Variants in IPO8 observed in about 807,000 individuals in gnomAD.
IPO8 encodes the protein importin-8.
IPO8 carries 65 observed loss-of-function variants against 141.2 expected under a neutral mutation model. The observed-to-expected ratio is 0.46, with a 90% confidence interval of 0.38 to 0.57. IPO8 has a LOEUF of 0.57. Among genes scored for constraint, IPO8 ranks in the 20% least tolerant of loss-of-function variants. IPO8 has a pLI of 0.00. For missense variants in IPO8, 980 were observed against 1,246.8 expected (o/e 0.79, Z 3.22); for synonymous variants, 411 against 420.3 (o/e 0.98, Z 0.27).
intron 20 of IPO8, among the ~76,000 whole-genome samples, chr12:30,642,537 T>A (rs2052588556): frequency 6.6e-6 from 1 of 151,950 alleles, no homozygotes; most frequent in African/African-American, 2.4e-5. Context: ...ACCAATCCAA[T>A]ATCAATGAAT....
At position 30,631,959 on chromosome 12, in the gene IPO8, G is replaced by C. The variant is rs746079753; in HGVS notation, c.2952C>G (p.Ser984Arg). The C allele has an allele frequency of 1.9e-6, 3 of 1,612,916 alleles. No individual in the cohort carries two copies. Among genetic ancestry groups the C allele is most frequent in the Non-Finnish European group, 2.5e-6 (3 of 1,179,910 alleles). Reference sequence around the variant, plus strand: ...CCTGCAGTGCTGTCCTCTGATCCTCGCTGAGTGGTGCCATCAGCAGCTGGT... The same window carrying C: ...CCTGCAGTGCTGTCCTCTGATCCTCCCTGAGTGGTGCCATCAGCAGCTGGT... Reference protein sequence around the residue: ...AWYQLLMAPLSEDQRTALQEV... With the variant: ...AWYQLLMAPLREDQRTALQEV... Residue 984 changes from serine (S) to arginine (R), a missense_variant, in exon 24 of 25, where the codon AGC becomes AGG. Physicochemically the swap from Ser to Arg is moderately radical, Grantham distance 110. Coordinates refer to ENST00000256079, the MANE Select transcript of IPO8 (RefSeq NM_006390.4).
At chr12:30,674,590 A>C (rs2053093492) in intron 7 of IPO8, 69 bp downstream of exon 7, 1 of 1,159,292 alleles carries the variant, frequency 8.6e-7, no homozygotes, top group Non-Finnish European at 1.3e-6. Context: ...GTGGCTCTAA[A>C]GACAGATAAT....
chr12:30,675,046 G>C (rs566944458), intron 6 of IPO8, among the ~76,000 whole-genome samples: 8 of 151,766 alleles, frequency 5.3e-5, no homozygotes, highest in Non-Finnish European at 1.2e-4. Flanking sequence ...ATGATGAAAG[G>C]GTTCTACATT....
At chr12:30,682,706 TA>T (rs1190638534) in intron 3 of IPO8, among the ~76,000 whole-genome samples, 3 of 152,054 alleles carry the variant, frequency 2.0e-5, no homozygotes, top group Non-Finnish European at 4.4e-5. Flanking sequence ...TTGGCAAAAT[TA>T]GGATTCCACA....
chr12:30,662,272 ATTTAGATT>A, intron 15 of IPO8, 47 bp downstream of exon 15: 1 of 1,430,122 alleles, frequency 7.0e-7, no homozygotes, highest in Non-Finnish European at 9.7e-7. Context: ...TTTGGAGTTT[ATTTAGATT>A]ACTCAAGGTT....
At chr12:30,656,367 T>G (rs942203278) in intron 17 of IPO8, among the ~76,000 whole-genome samples, 1 of 152,160 alleles carries the variant, frequency 6.6e-6, no homozygotes, top group African/African-American at 2.4e-5. Flanking sequence ...AAAAAATGCC[T>G]ATTAAACATT....
chr12:30,658,257 C>T (rs570850803), intron 16 of IPO8, among the ~76,000 whole-genome samples: 42 of 152,294 alleles, frequency 2.8e-4, no homozygotes, highest in African/African-American at 9.4e-4. Flanking sequence ...GTTTCATACA[C>T]TATTTGTCAG....
intron 10 of IPO8, 30 bp downstream of exon 10, chr12:30,669,153 A>G (rs1692167847): frequency 5.3e-6 from 5 of 935,866 alleles, no homozygotes; most frequent in African/African-American, 4.9e-5. Flanking sequence ...ATATCCAGGA[A>G]CTGATGAGAA....
chr12:30,637,487 A>C (rs1487000566), intron 21 of IPO8, among the ~76,000 whole-genome samples: 1 of 152,202 alleles, frequency 6.6e-6, no homozygotes, highest in Non-Finnish European at 1.5e-5. Flanking sequence ...TTAATAAAGC[A>C]GAAATACCTA....
Position 30,630,757 on chromosome 12 carries a change from G to A in IPO8, c.*103C>T. The A allele has an allele frequency of 1.2e-6, 1 of 835,142 alleles. No homozygotes were observed. Among genetic ancestry groups the A allele is most frequent in the Non-Finnish European group, 2.0e-6 (1 of 510,768 alleles). The allele number at this position is 835,142 out of a possible 1,614,324, so 51.7% of individuals were successfully genotyped here. On this transcript the variant is annotated 3_prime_UTR_variant, in exon 25 of 25. Transcript: ENST00000256079. ...ATGCCAGATGGTAACTGGCACAGCA[G>A]GAGGGCCCTAAAAGCAGCCCCTCAT...
At chr12:30,671,449 G>C (rs984296781) in intron 8 of IPO8, among the ~76,000 whole-genome samples, 2 of 151,916 alleles carry the variant, frequency 1.3e-5, no homozygotes, top group Non-Finnish European at 2.9e-5. Context: ...CGAGGCGGGC[G>C]GATCACGAGG....
chr12:30,649,095 A>C, intron 20 of IPO8, 42 bp downstream of exon 20: 1 of 1,308,874 alleles, frequency 7.6e-7, no homozygotes, highest in Non-Finnish European at 1.1e-6. Context: ...TGTAAACTTC[A>C]AATGTAACCC....
At chr12:30,659,627 G>A (rs911029875) in intron 16 of IPO8, among the ~76,000 whole-genome samples, 4 of 151,806 alleles carry the variant, frequency 2.6e-5, no homozygotes, top group Non-Finnish European at 5.9e-5. Flanking sequence ...CGAGGTGGGC[G>A]GATCACGAGG....
At position 30,695,642 on chromosome 12, in the gene IPO8, G is replaced by C; in HGVS notation, c.6C>G (p.Asp2Glu). M[D>E]LNRIIQALKG... is the part of the protein sequence containing the mutation. ...TCAGCGCCTGGATGATCCGGTTGAG[G>C]TCCATCTCCCCGGGTGGGGGCTCCG... is the stretch of plus-strand genomic sequence containing the variant. Residue 2 changes from aspartate to glutamate, a missense_variant, in exon 1 of 25, where the codon GAC (aspartate) becomes GAG (glutamate). Asp to Glu is a conservative substitution (Grantham distance 45). Coordinates refer to ENST00000256079, the MANE Select transcript of IPO8 (RefSeq NM_006390.4). This position sits in a 1 kb window ranked among gnomAD's most constrained non-coding sequence, Gnocchi z 4.2. 6.2e-7 allele frequency: 1 copy of C among 1,613,842 alleles called. No homozygotes were observed. Among genetic ancestry groups the C allele is most frequent in the South Asian group, 1.1e-5 (1 of 91,072 alleles).
Position 30,634,223 on chromosome 12 carries a change from C to T in IPO8, c.2759G>A (p.Gly920Glu). 6.2e-7 allele frequency: 1 copy of T among 1,613,966 alleles called. No individual in the cohort carries two copies. The highest frequency in any genetic ancestry group is 8.5e-7 in the Non-Finnish European group (1 of 1,179,882). Reference protein sequence around the residue: ...VTAQAMQSNNGRGEDEEEEDD... With the variant: ...VTAQAMQSNNERGEDEEEEDD... Reference sequence around the variant, plus strand: ...TTCCTCCTCCTCATCTTCACCTCTTCCATTATTTGACTGCATTGCTTGAGC... The same window carrying T: ...TTCCTCCTCCTCATCTTCACCTCTTTCATTATTTGACTGCATTGCTTGAGC... Residue 920 changes from glycine (G) to glutamate (E), a missense_variant, in exon 23 of 25, where the codon GGA becomes GAA. Gly to Glu is a moderately conservative substitution (Grantham distance 98). Coordinates refer to ENST00000256079, the MANE Select transcript of IPO8 (RefSeq NM_006390.4).
At chr12:30,694,626 A>T (rs1028646193) in intron 1 of IPO8, among the ~76,000 whole-genome samples, 1 of 152,174 alleles carries the variant, frequency 6.6e-6, no homozygotes, top group Non-Finnish European at 1.5e-5. Flanking sequence ...GAAGCCCCGT[A>T]ATTTGCATAA....
rs745806071 is a variant in IPO8, at chr12:30,636,975, A to C, written c.2695+7T>G. On this transcript the variant is annotated splice_region_variant and intron_variant, in intron 22 of 24. Coordinates refer to ENST00000256079, the MANE Select transcript of IPO8 (RefSeq NM_006390.4). The stretch of plus-strand genomic sequence containing the variant: ...TTGTAACATTAATTTCAATTAGAAG[A>C]CTTTACCATTTTCTTCCATATCAGC... 6.2e-7 allele frequency: 1 copy of C among 1,608,978 alleles called. No individual in the cohort carries two copies. Among genetic ancestry groups the C allele is most frequent in the African/African-American group, 1.3e-5 (1 of 74,834 alleles).
rs376468150 is a variant in IPO8 at position 30,637,125 on chromosome 12, G to A, written c.2552C>T (p.Pro851Leu). The A allele has an allele frequency of 3.1e-6, 5 of 1,613,724 alleles. No homozygotes were observed. In the African/African-American group the frequency reaches 4.0e-5, roughly 13 times the overall value. The change falls in exon 22 of 25, where the codon CCT (proline) becomes CTT (leucine). Residue 851 changes from proline (P) to leucine (L), a missense_variant. Around this residue, in one of 3 missense-constraint regions of IPO8, gnomAD observed 924 missense variants for 1,153.9 expected, o/e 0.80. Transcript: ENST00000256079. ...LSILLELQNR[P>L]PAVDAVVGQI... ...TCCCACCACAGCATCTACTGCAGGA[G>A]GTCGATTTTGCAATTCCAAAAGGAT...
chr12:30,652,374 C>T (rs1278799403), intron 18 of IPO8, 85 bp from the exon 19 acceptor site: 1 of 779,134 alleles, frequency 1.3e-6, no homozygotes, highest in East Asian at 2.6e-5. Flanking sequence ...TTCTGTAGCA[C>T]CCACACATTA....
Sources: gnomAD v4.1 joint callset for allele counts (sites outside exome capture counted in the v4.1 genomes callset) on GRCh38, gnomAD v4.1.1 for gene constraint, gnomAD v4.1.1 regional missense constraint, Gnocchi (gnomAD v3.1) non-coding constraint, MANE v1.5 for transcripts, NCBI Gene and HGNC (gene_info 2026-07-23, HGNC 2026-07-21) for gene names.